IFT81: variants seen among roughly 807,000 people sequenced by gnomAD.
The protein encoded by IFT81 is intraflagellar transport protein 81 homolog.
Under a neutral mutation model 102.6 loss-of-function variants are expected in IFT81, and 72 were observed. The ratio of observed to expected loss-of-function variants is 0.70; its 90% CI spans 0.58 to 0.85. The LOEUF is 0.85. IFT81 is among the 40% of genes least tolerant of loss of function. The pLI, the probability that IFT81 is intolerant of heterozygous loss-of-function variation, is 0.00. For missense variants in IFT81, 723 were observed against 787.3 expected (o/e 0.92, Z 0.98); for synonymous variants, 237 against 242.7 (o/e 0.98, Z 0.22).
At chr12:110,139,374 GAA>G (rs1411888698) in intron 8 of IFT81, among the ~76,000 whole-genome samples, 2 of 141,372 alleles carry the variant, frequency 1.4e-5, no homozygotes, top group East Asian at 4.2e-4. Context: ...AAAAAGAAAA[GAA>G]AAAGCTGCAT....
At chr12:110,179,771 T>TACACACACACACACAC (rs1180642058) in intron 11 of IFT81, among the ~76,000 whole-genome samples, 10 of 52,756 alleles carry the variant, frequency 1.9e-4, no homozygotes, top group African/African-American at 5.1e-4. Context: ...TATATATATA[T>TACACACACACACACAC]ATACACACAC....
chr12:110,128,037 CTTTG>C lies in IFT81; in HGVS notation c.145-6_145-3del. Reference sequence around the variant, plus strand: ...AACAATAACATGTTTTTTTCAATTTCTTTGTTAGCAACTTGTGGATATCAGAGAG... The same window carrying C: ...AACAATAACATGTTTTTTTCAATTTCTTAGCAACTTGTGGATATCAGAGAG... On this transcript the variant is annotated splice_region_variant and splice_polypyrimidine_tract_variant and intron_variant, in intron 2 of 18. Coordinates refer to ENST00000242591, the MANE Select transcript of IFT81 (RefSeq NM_014055.4). 1 of 1,583,040 alleles carries C rather than the reference CTTTG, an allele frequency of 6.3e-7. No individual in the cohort carries two copies. Among genetic ancestry groups the C allele is most frequent in the South Asian group, 1.1e-5 (1 of 89,146 alleles).
chr12:110,206,258 T>G (rs1868608928), intron 17 of IFT81, among the ~76,000 whole-genome samples: 1 of 152,164 alleles, frequency 6.6e-6, no homozygotes, highest in African/African-American at 2.4e-5. Context: ...TGCTTAGTCC[T>G]TATATGGTGC....
intron 14 of IFT81, among the ~76,000 whole-genome samples, chr12:110,199,099 G>T (rs1430367855): frequency 6.6e-6 from 1 of 152,040 alleles, no homozygotes; most frequent in Non-Finnish European, 1.5e-5. Context: ...ATGAGCCACC[G>T]CACCTGGCCT....
chr12:110,167,913 G>C (rs1048787102), intron 11 of IFT81: 4 of 254,084 alleles, frequency 1.6e-5, no homozygotes, highest in Non-Finnish European at 3.1e-5. Context: ...GTGCGGTGGT[G>C]TGATCATGGC....
chr12:110,179,660 G>T (rs1897203857), intron 11 of IFT81, among the ~76,000 whole-genome samples: 1 of 145,980 alleles, frequency 6.9e-6, no homozygotes, highest in African/African-American at 2.5e-5. Context: ...GGTTAAGGCT[G>T]CAATGAACTG....
chr12:110,139,599 T>C (rs1351277037), intron 8 of IFT81, among the ~76,000 whole-genome samples: 5 of 151,008 alleles, frequency 3.3e-5, no homozygotes, highest in South Asian at 2.1e-4. Context: ...GGTGAAACCC[T>C]GTCTCTACTA....
intron 10 of IFT81, among the ~76,000 whole-genome samples, chr12:110,153,546 G>A (rs12314679): frequency 0.023 from 3,506 of 150,618 alleles, 116 homozygotes; most frequent in African/African-American, 0.08. Context: ...CCTGGTATTC[G>A]TTAATTTAAG....
rs111462679 is a variant in IFT81 at position 110,179,441 on chromosome 12, G to T, written c.1189-981G>T. On this transcript the variant is annotated intron_variant, in intron 11 of 18. Transcript: ENST00000242591. ...ATATAAGGATTTAGAATATTTTAAG[G>T]CCAGGCACGGTGACTCATGCCTGTA... is the stretch of plus-strand genomic sequence containing the variant. Among the ~76,000 whole-genome samples the T allele has an allele frequency of 2.0e-3, 307 of 151,720 alleles. 3 individuals carry two copies. The highest frequency in any genetic ancestry group is 7.0e-3 in the African/African-American group (291 of 41,372).
intron 8 of IFT81, among the ~76,000 whole-genome samples, chr12:110,141,785 C>CTGAGG (rs1894907380): frequency 6.6e-6 from 1 of 152,118 alleles, no homozygotes. Context: ...GAGGCTGAGG[C>CTGAGG]AGGAGAATCG....
intron 11 of IFT81, among the ~76,000 whole-genome samples, chr12:110,179,773 T>TATACATACACACACACACAC (rs774113734): frequency 9.9e-5 from 5 of 50,492 alleles, no homozygotes; most frequent in Non-Finnish European, 1.7e-4. Flanking sequence ...TATATATATA[T>TATACATACACACACACACAC]ACACACACAC....
intron 6 of IFT81, 88 bp downstream of exon 6, chr12:110,135,101 C>A: frequency 1.0e-6 from 1 of 996,806 alleles, no homozygotes; most frequent in Non-Finnish European, 1.5e-6. Flanking sequence ...TTCAGCCAAG[C>A]ATGAGTGTAC....
At chr12:110,187,264 T>G (rs1228691557) in intron 12 of IFT81, among the ~76,000 whole-genome samples, 4 of 152,004 alleles carry the variant, frequency 2.6e-5, no homozygotes, top group Non-Finnish European at 5.9e-5. Context: ...GTTGTTTTTG[T>G]TTTTGTTTTT....
intron 14 of IFT81, among the ~76,000 whole-genome samples, chr12:110,202,826 G>A (rs573214465): frequency 1.3e-4 from 20 of 152,256 alleles, no homozygotes; most frequent in African/African-American, 4.6e-4. Context: ...AGCATTATAT[G>A]GTGGTATTAA....
intron 11 of IFT81, among the ~76,000 whole-genome samples, chr12:110,176,294 G>T (rs897477663): frequency 6.6e-6 from 1 of 151,902 alleles, no homozygotes; most frequent in Non-Finnish European, 1.5e-5. Flanking sequence ...CCTGTACCCC[G>T]CCATGCCTCT....
In IFT81 at chr12:110,195,991, T is replaced by C. The variant is rs1048874046; in HGVS notation, c.1557+3285T>C. Reference sequence around the variant, plus strand: ...GAAAAGAATGTCTATTTTCCAGTTGTTGAGTACAGGGTTCTCCCTGTGTTC... The same window carrying C: ...GAAAAGAATGTCTATTTTCCAGTTGCTGAGTACAGGGTTCTCCCTGTGTTC... On this transcript the variant is annotated intron_variant, in intron 14 of 18. Transcript: ENST00000242591. Among the ~76,000 whole-genome samples, 13 of 152,320 alleles carry C rather than the reference T, an allele frequency of 8.5e-5. 1 individual carries two copies. Among genetic ancestry groups the C allele is most frequent in the Admixed American group, 8.5e-4 (13 of 15,300 alleles).
intron 12 of IFT81, among the ~76,000 whole-genome samples, chr12:110,186,238 C>CTTGTTTGT (rs139841661): frequency 3.1e-4 from 47 of 150,910 alleles, no homozygotes; most frequent in African/African-American, 6.8e-4. Context: ...AACTGTACAT[C>CTTGTTTGT]TTGTTTGTTT....
chr12:110,144,291 A>G (rs1895068985), intron 9 of IFT81, among the ~76,000 whole-genome samples: 1 of 151,394 alleles, frequency 6.6e-6, no homozygotes, highest in South Asian at 2.1e-4. Context: ...ATCTCGGCTC[A>G]CTACAACCTC....
intron 4 of IFT81, among the ~76,000 whole-genome samples, chr12:110,132,186 T>C (rs1423627194): frequency 6.6e-6 from 1 of 152,108 alleles, no homozygotes; most frequent in Admixed American, 6.6e-5. Flanking sequence ...ACTCTATGGC[T>C]AGGCGCGGTG....
Sources: allele counts gnomAD v4.1 joint callset (sites outside exome capture counted in the v4.1 genomes callset), GRCh38; gene constraint gnomAD v4.1.1; transcripts MANE v1.5; gene names NCBI Gene and HGNC (gene_info 2026-07-23, HGNC 2026-07-21).